Variants in NLRC4 observed in about 807,000 individuals in gnomAD.
NLRC4 encodes the protein NLR family CARD domain containing 4.
In NLRC4, 63 loss-of-function variants were observed where a neutral mutation model predicts 79.9. The ratio of observed to expected loss-of-function variants is 0.79; its 90% CI spans 0.64 to 0.97. NLRC4 has a LOEUF of 0.97. NLRC4 is among the 50% of genes least tolerant of loss of function. The probability of loss-of-function intolerance (pLI) is 0.00; values close to 1 mark genes in which losing one functional copy is unlikely to be tolerated. For missense variants in NLRC4, 1,074 were observed against 1,215.2 expected (o/e 0.88, Z 1.73); for synonymous variants, 461 against 456.5 (o/e 1.01, Z -0.12).
intron 1 of NLRC4, among the ~76,000 whole-genome samples, chr2:32,261,223 T>A (rs976939284): frequency 6.7e-6 from 1 of 150,066 alleles, no homozygotes; most frequent in Non-Finnish European, 1.5e-5. Context: ...ACCATGTATT[T>A]CACCACAAAA....
At position 32,224,699 on chromosome 2, in the gene NLRC4, C is replaced by T. The variant is rs746876982; in HGVS notation, c.2849G>A (p.Ser950Asn). The T allele has an allele frequency of 4.0e-5, 64 of 1,607,832 alleles. No individual in the cohort carries two copies. The highest frequency in any genetic ancestry group is 5.4e-5 in the Non-Finnish European group (64 of 1,177,868). Residue 950 changes from serine (S) to asparagine (N), a missense_variant, in exon 9 of 9, where the codon AGC becomes AAC. Coordinates refer to ENST00000402280, the MANE Select transcript of NLRC4 (RefSeq NM_001199138.2). ...QQLNLAGNRVSSDGWLAFMGV... is the reference protein window; with the variant it reads ...QQLNLAGNRVNSDGWLAFMGV... ...CATGAAGGCAAGCCATCCATCACTGCTCACACGATTTCCCGCCAAATTCAA... is the reference window on the plus strand; with the variant it reads ...CATGAAGGCAAGCCATCCATCACTGTTCACACGATTTCCCGCCAAATTCAA...
intron 2 of NLRC4, among the ~76,000 whole-genome samples, chr2:32,255,302 T>A (rs1687179887): frequency 1.3e-5 from 2 of 151,594 alleles, no homozygotes. Flanking sequence ...GGGCGGATTA[T>A]CTGAGGTCGG....
chr2:32,249,130 CTT>C (rs1267682593), intron 4 of NLRC4, among the ~76,000 whole-genome samples: 2 of 152,204 alleles, frequency 1.3e-5, no homozygotes, highest in African/African-American at 4.8e-5. Context: ...GGTGTACAAT[CTT>C]TTGGTTTCCC....
At chr2:32,230,471 A>ATTT (rs58666767) in intron 8 of NLRC4, among the ~76,000 whole-genome samples, 12,877 of 126,528 alleles carry the variant, frequency 0.1, 804 homozygotes, top group Middle Eastern at 0.17. Context: ...AGCCCCCGCT[A>ATTT]TTTTTTTTTT....
intron 8 of NLRC4, among the ~76,000 whole-genome samples, chr2:32,226,890 G>A (rs984965355): frequency 6.6e-6 from 1 of 151,050 alleles, no homozygotes; most frequent in Non-Finnish European, 1.5e-5. Context: ...AAAAAAAAAA[G>A]AGAAGAAAAG....
At chr2:32,225,253 G>GT (rs1177426565) in intron 8 of NLRC4, among the ~76,000 whole-genome samples, 2 of 152,000 alleles carry the variant, frequency 1.3e-5, no homozygotes, top group East Asian at 3.9e-4. Context: ...GGGTGTTTTT[G>GT]TTTACCTGTT....
intron 4 of NLRC4, among the ~76,000 whole-genome samples, chr2:32,246,607 G>A (rs1290848864): frequency 1.3e-5 from 2 of 152,192 alleles, no homozygotes; most frequent in Non-Finnish European, 2.9e-5. Flanking sequence ...CCTGCTCGGG[G>A]CAACCAGGCT....
intron 4 of NLRC4, among the ~76,000 whole-genome samples, chr2:32,242,096 C>T (rs535121838): frequency 2.0e-5 from 3 of 152,134 alleles, no homozygotes; most frequent in African/African-American, 7.2e-5. Flanking sequence ...TGGTCTCGGA[C>T]TCCTGAGCAC....
chr2:32,254,189 G>A (rs911542006), intron 2 of NLRC4, among the ~76,000 whole-genome samples: 1 of 151,942 alleles, frequency 6.6e-6, no homozygotes, highest in African/African-American at 2.4e-5. Flanking sequence ...CCAGCACACT[G>A]GGGATTCCTC....
At chr2:32,247,340 G>A (rs1423854464) in intron 4 of NLRC4, among the ~76,000 whole-genome samples, 1 of 145,920 alleles carries the variant, frequency 6.9e-6, no homozygotes, top group Non-Finnish European at 1.5e-5. Context: ...TTTAGACAGA[G>A]TTTCACTCTT....
chr2:32,236,836 T>A (rs1032916990), intron 6 of NLRC4, among the ~76,000 whole-genome samples: 1 of 147,112 alleles, frequency 6.8e-6, no homozygotes, highest in African/African-American at 2.5e-5. Context: ...GAGATATTAA[T>A]AATAAAAACA....
At chr2:32,259,239 G>A (rs1266989305) in intron 1 of NLRC4, among the ~76,000 whole-genome samples, 1 of 140,158 alleles carries the variant, frequency 7.1e-6, no homozygotes, top group East Asian at 2.0e-4. Context: ...GGGACCGCAG[G>A]TGTGTGCCAC....
At chr2:32,257,630 A>T in intron 1 of NLRC4, among the ~76,000 whole-genome samples, 1 of 131,020 alleles carries the variant, frequency 7.6e-6, no homozygotes. Context: ...AAAAAAAAAA[A>T]GGATAAGTAA....
At position 32,263,010 on chromosome 2, in the gene NLRC4, C is replaced by T. The variant is rs139188137; in HGVS notation, c.-119+1728G>A. 4.5e-3 allele frequency among the ~76,000 whole-genome samples: 680 copies of T among 151,880 alleles called. 11 individuals are homozygous for T. Among genetic ancestry groups the T allele is most frequent in the African/African-American group, 0.016 (665 of 41,400 alleles). ...GGATTACAGGCATAAGCCACCATGC[C>T]CAGCTGGAAAATAATATTTAGTACT... On this transcript the variant is annotated intron_variant, in intron 1 of 8. Transcript: ENST00000402280.
chr2:32,234,583 A>G (rs1052650565), intron 8 of NLRC4, among the ~76,000 whole-genome samples: 1 of 152,198 alleles, frequency 6.6e-6, no homozygotes, highest in South Asian at 2.1e-4. Flanking sequence ...CTGGATTGGA[A>G]TAACTTGTGC....
At chr2:32,254,838 G>A (rs1014804051) in intron 2 of NLRC4, among the ~76,000 whole-genome samples, 6 of 151,572 alleles carry the variant, frequency 4.0e-5, no homozygotes, top group South Asian at 2.1e-4. Flanking sequence ...GGCTGGTCTC[G>A]AACTCCCGAC....
chr2:32,252,453 C>T lies in NLRC4; in HGVS notation c.228G>A (p.Trp76Ter). The stretch of plus-strand genomic sequence containing the variant: ...TCAAGTCCTGAAATAGAGGATAGTT[C>T]CACTCCTTAAGGGATTTAAGAAAGA... ...CNLFLKSLKE[W>*]NYPLFQDLNG... Residue 76 changes from tryptophan to a stop codon, truncating the protein, a stop_gained, in exon 3 of 9, where the codon TGG becomes TGA. Transcript: ENST00000402280. LOFTEE classifies it high-confidence loss of function. The T allele has an allele frequency of 6.2e-7, 1 of 1,610,684 alleles. No homozygotes were observed. Among genetic ancestry groups the T allele is most frequent in the Non-Finnish European group, 8.5e-7 (1 of 1,176,822 alleles).
chr2:32,240,983 C>T (rs1283427198), intron 5 of NLRC4, 50 bp downstream of exon 5: 1 of 1,165,040 alleles, frequency 8.6e-7, no homozygotes, highest in Non-Finnish European at 1.3e-6. Flanking sequence ...AAGTTAACTC[C>T]TCTTATTATC....
intron 8 of NLRC4, among the ~76,000 whole-genome samples, chr2:32,233,062 A>G (rs894942779): frequency 1.4e-5 from 2 of 147,348 alleles, no homozygotes; most frequent in Non-Finnish European, 3.0e-5. Context: ...GTGAGCTGTG[A>G]TCACATCCCT....
Sources: allele counts gnomAD v4.1 joint callset (sites outside exome capture counted in the v4.1 genomes callset), GRCh38; gene constraint gnomAD v4.1.1; transcripts MANE v1.5; gene names NCBI Gene and HGNC (gene_info 2026-07-23, HGNC 2026-07-21).